MYO1D: variants seen among roughly 807,000 people sequenced by gnomAD.
MYO1D encodes the protein myosin ID.
Under a neutral mutation model 122.0 loss-of-function variants are expected in MYO1D, and 83 were observed. The ratio of observed to expected loss-of-function variants is 0.68; its 90% CI spans 0.57 to 0.82. MYO1D has a LOEUF of 0.82. Among genes scored for constraint, MYO1D ranks in the 40% least tolerant of loss-of-function variants. MYO1D has a pLI of 0.00. For synonymous variants in MYO1D, 464 were observed against 446.9 expected (o/e 1.04, Z -0.48); for missense variants, 1,157 against 1,269.5 (o/e 0.91, Z 1.35).
At chr17:32,618,651 T>TC (rs909873090) in intron 20 of MYO1D, among the ~76,000 whole-genome samples, 1 of 151,698 alleles carries the variant, frequency 6.6e-6, no homozygotes, top group African/African-American at 2.4e-5. Flanking sequence ...TTTTTTTTTT[T>TC]TGAGACGGAA....
intron 16 of MYO1D, among the ~76,000 whole-genome samples, chr17:32,700,000 T>C (rs888325734): frequency 6.6e-6 from 1 of 152,074 alleles, no homozygotes; most frequent in Non-Finnish European, 1.5e-5. Flanking sequence ...AGAACAAAAT[T>C]AGAAAAGTAA....
At chr17:32,639,361 TTTTGTGTGTGTGTGTGTGTG>T (rs1426094453) in intron 19 of MYO1D, among the ~76,000 whole-genome samples, 92 of 65,728 alleles carry the variant, frequency 1.4e-3, no homozygotes, top group South Asian at 8.2e-3. Flanking sequence ...TTGGGAGAAA[TTTTGTGTGTGTGTGTGTGTG>T]TGTGTGTGTG....
intron 21 of MYO1D, among the ~76,000 whole-genome samples, chr17:32,574,014 G>A (rs1304579516): frequency 4.6e-5 from 7 of 151,722 alleles, no homozygotes; most frequent in African/African-American, 7.3e-5. Context: ...CACCTCGCCC[G>A]GCTAATTTTT....
intron 21 of MYO1D, among the ~76,000 whole-genome samples, chr17:32,554,182 A>C (rs2087047461): frequency 1.3e-5 from 2 of 151,436 alleles, no homozygotes; most frequent in South Asian, 2.1e-4. Context: ...AACTGAGCTG[A>C]GAGTCCCTGC....
At chr17:32,780,855 C>G (rs2090230105) in intron 1 of MYO1D, 71 bp from the exon 2 acceptor site, 1 of 1,439,768 alleles carries the variant, frequency 6.9e-7, no homozygotes, top group Admixed American at 1.8e-5. Flanking sequence ...TCCTGTGAGT[C>G]TCTTATTTCC....
At chr17:32,659,368 G>A (rs372450798) in intron 16 of MYO1D, 30 bp from the exon 17 acceptor site, 7 of 1,603,560 alleles carry the variant, frequency 4.4e-6, no homozygotes, top group Non-Finnish European at 6.0e-6. Context: ...AAAGGAAAAC[G>A]TTATTGACCG....
chr17:32,594,639 T>C (rs1385397209), intron 21 of MYO1D: 1 of 586,952 alleles, frequency 1.7e-6, no homozygotes, highest in Non-Finnish European at 3.0e-6. Flanking sequence ...AATATCTATA[T>C]CTCTCTTACT....
intron 21 of MYO1D, among the ~76,000 whole-genome samples, chr17:32,580,244 T>C (rs2087319828): frequency 6.6e-6 from 1 of 150,644 alleles, no homozygotes. Flanking sequence ...AGATGTACTT[T>C]ACCAGGTTGT....
At chr17:32,862,531 G>GA (rs2091086510) in intron 1 of MYO1D, among the ~76,000 whole-genome samples, 1 of 152,168 alleles carries the variant, frequency 6.6e-6, no homozygotes, top group South Asian at 2.1e-4. Context: ...TATATGTCTA[G>GA]AAAAGACTGT....
intron 21 of MYO1D, chr17:32,529,000 C>CGGTA (rs1465355803): frequency 6.6e-6 from 1 of 152,192 alleles, no homozygotes; most frequent in African/African-American, 2.4e-5. Context: ...TGACATAGAT[C>CGGTA]GGTAGATGGT....
At chr17:32,609,572 C>G (rs993269440) in intron 20 of MYO1D, among the ~76,000 whole-genome samples, 5 of 152,250 alleles carry the variant, frequency 3.3e-5, no homozygotes, top group Admixed American at 6.5e-5. Flanking sequence ...TTCAGCCCGT[C>G]TGCAGGCCCG....
At chr17:32,507,410 A>T (rs1255788306) in intron 21 of MYO1D, among the ~76,000 whole-genome samples, 2 of 151,844 alleles carry the variant, frequency 1.3e-5, no homozygotes, top group Non-Finnish European at 2.9e-5. Flanking sequence ...TCTCAAAAAA[A>T]CTCCCCCAAA....
chr17:32,623,843 A>G (rs2087886039), intron 20 of MYO1D, among the ~76,000 whole-genome samples: 1 of 152,182 alleles, frequency 6.6e-6, no homozygotes, highest in Non-Finnish European at 1.5e-5. Flanking sequence ...TCACATGGCA[A>G]AAGGGCGAGG....
At chr17:32,802,155 AGCTCAAGTCTGT>A (rs902445809) in intron 1 of MYO1D, among the ~76,000 whole-genome samples, 2 of 152,202 alleles carry the variant, frequency 1.3e-5, no homozygotes, top group African/African-American at 4.8e-5. Context: ...ATGAACAAAC[AGCTCAAGTCTGT>A]GCTCTTCTGA....
chr17:32,519,961 C>CTA (rs1345425364), intron 21 of MYO1D, among the ~76,000 whole-genome samples: 1 of 150,342 alleles, frequency 6.7e-6, no homozygotes, highest in Non-Finnish European at 1.5e-5. Context: ...GGAGAAAGGG[C>CTA]TACCCCCGCA....
intron 1 of MYO1D, among the ~76,000 whole-genome samples, chr17:32,860,942 A>T (rs918348430): frequency 6.6e-6 from 1 of 152,222 alleles, no homozygotes; most frequent in African/African-American, 2.4e-5. Flanking sequence ...AATCAGTGTT[A>T]GCCCATTAGT....
chr17:32,516,766 T>G (rs1419876960), intron 21 of MYO1D, among the ~76,000 whole-genome samples: 7 of 152,238 alleles, frequency 4.6e-5, no homozygotes. Flanking sequence ...AATACAGGCC[T>G]TATTTACTGC....
At chr17:32,530,996 A>T (rs1169706159) in intron 21 of MYO1D, among the ~76,000 whole-genome samples, 1 of 151,400 alleles carries the variant, frequency 6.6e-6, no homozygotes, top group Non-Finnish European at 1.5e-5. Flanking sequence ...CTCTGTCCTC[A>T]CTCCCTTTGG....
chr17:32,868,966 T>C (rs1349966699), intron 1 of MYO1D, among the ~76,000 whole-genome samples: 1 of 151,802 alleles, frequency 6.6e-6, no homozygotes, highest in Non-Finnish European at 1.5e-5. Flanking sequence ...CTCAAAACTT[T>C]GGGAGGCTGA....
Sources: gnomAD v4.1 joint callset for allele counts (sites outside exome capture counted in the v4.1 genomes callset) on GRCh38, gnomAD v4.1.1 for gene constraint, MANE v1.5 for transcripts, NCBI Gene and HGNC (gene_info 2026-07-23, HGNC 2026-07-21) for gene names.